Variants in HS6ST2 observed in about 807,000 individuals in gnomAD.
HS6ST2 encodes the protein heparan sulfate 6-O-sulfotransferase 2, also known as heparan-sulfate 6-O-sulfotransferase 2.
A neutral mutation model predicts 33.0 loss-of-function variants in HS6ST2; 17 were observed. That is an observed-to-expected ratio of 0.52 (90% CI 0.35 to 0.77). The LOEUF (loss-of-function observed/expected upper bound fraction) is 0.77, where lower values mean the gene tolerates loss of function less well. HS6ST2 is among the 30% of genes least tolerant of loss of function. The pLI is 0.01. For synonymous variants in HS6ST2, 248 were observed against 237.1 expected, an observed-to-expected ratio of 1.05 and a Z score of -0.42; for missense variants, 519 against 551.7, an observed-to-expected ratio of 0.94 and a Z score of 0.59.
chrX:132,787,167 G>GTA (rs751338482), intron 2 of HS6ST2, among the ~76,000 whole-genome samples: 544 of 51,332 alleles, frequency 0.011, 8 homozygotes, highest in African/African-American at 0.031. Context: ...ATATATATAT[G>GTA]TATATATATA....
chrX:132,932,142 C>T (rs1457390147), intron 2 of HS6ST2, among the ~76,000 whole-genome samples: 2 of 103,964 alleles, frequency 1.9e-5, no homozygotes, highest in African/African-American at 3.5e-5. Context: ...ACCGAGATTG[C>T]GCCACTGCAC....
chrX:132,877,341 T>C (rs1368910237), intron 2 of HS6ST2, among the ~76,000 whole-genome samples: 8 of 112,756 alleles, frequency 7.1e-5, no homozygotes, highest in African/African-American at 2.6e-4. Flanking sequence ...ATGTACTACG[T>C]GTGTTTGCAC....
chrX:132,768,454 T>C (rs1004237515), intron 2 of HS6ST2, among the ~76,000 whole-genome samples: 1 of 111,378 alleles, frequency 9.0e-6, no homozygotes, highest in African/African-American at 3.3e-5. Context: ...GAGAAATAAT[T>C]TTTTCAATGT....
At chrX:132,887,016 T>G (rs923310978) in intron 2 of HS6ST2, among the ~76,000 whole-genome samples, 1 of 110,359 alleles carries the variant, frequency 9.1e-6, no homozygotes, top group Non-Finnish European at 1.9e-5. Context: ...ACACCTGTAG[T>G]CCCAGCTACT....
chrX:132,710,856 T>C (rs1459882236), intron 2 of HS6ST2, among the ~76,000 whole-genome samples: 1 of 111,565 alleles, frequency 9.0e-6, no homozygotes. Flanking sequence ...TTCATAATAC[T>C]GTAGTCCCAC....
intron 2 of HS6ST2, among the ~76,000 whole-genome samples, chrX:132,816,954 A>G (rs763119578): frequency 1.1e-3 from 120 of 111,532 alleles, no homozygotes; most frequent in Non-Finnish European, 1.9e-3. Flanking sequence ...CGCAGCAGGT[A>G]AAATTAGGGA....
intron 2 of HS6ST2, among the ~76,000 whole-genome samples, chrX:132,867,929 T>C (rs2066008143): frequency 1.8e-5 from 2 of 111,526 alleles, no homozygotes; most frequent in Admixed American, 1.9e-4. Flanking sequence ...AATTCACACA[T>C]AACAATATTA....
chrX:132,661,317 CAA>C (rs1205477445), intron 4 of HS6ST2, among the ~76,000 whole-genome samples: 1 of 91,228 alleles, frequency 1.1e-5, no homozygotes, highest in Admixed American at 1.2e-4. Context: ...TGGAATCTAC[CAA>C]AAAAAAAAAA....
intron 4 of HS6ST2, among the ~76,000 whole-genome samples, chrX:132,663,990 A>G (rs1327690998): frequency 2.7e-5 from 3 of 112,320 alleles, no homozygotes; most frequent in Non-Finnish European, 3.8e-5. Flanking sequence ...AGCAAGCAAG[A>G]CTTCATTTTA....
At chrX:132,661,517 T>C (rs1284121352) in intron 4 of HS6ST2, among the ~76,000 whole-genome samples, 1 of 111,672 alleles carries the variant, frequency 9.0e-6, no homozygotes, top group East Asian at 2.8e-4. Context: ...TCCTGAAAAC[T>C]ATAAAACACT....
chrX:132,930,365 A>T (rs1226374247), intron 2 of HS6ST2, among the ~76,000 whole-genome samples: 2 of 110,559 alleles, frequency 1.8e-5, no homozygotes, highest in Non-Finnish European at 3.8e-5. Flanking sequence ...GGGTTTCGTC[A>T]TGCTGGCCAG....
intron 2 of HS6ST2, among the ~76,000 whole-genome samples, chrX:132,867,114 G>T (rs1017317476): frequency 2.0e-5 from 2 of 99,607 alleles, no homozygotes; most frequent in African/African-American, 7.7e-5. Flanking sequence ...TTGGCTGTGG[G>T]TTTGTCATAG....
chrX:132,882,563 A>T (rs1398849125), intron 2 of HS6ST2, among the ~76,000 whole-genome samples: 1 of 105,962 alleles, frequency 9.4e-6, no homozygotes, highest in Non-Finnish European at 1.9e-5. Context: ...CAATCATGTC[A>T]TCTGCAAACA....
At chrX:132,819,247 G>A (rs2065427816) in intron 2 of HS6ST2, among the ~76,000 whole-genome samples, 1 of 111,019 alleles carries the variant, frequency 9.0e-6, no homozygotes, top group Admixed American at 9.6e-5. Flanking sequence ...CTTTAAATCA[G>A]GAGTGGGGAA....
chrX:132,916,217 T>C (rs1414657386), intron 2 of HS6ST2, among the ~76,000 whole-genome samples: 2 of 111,536 alleles, frequency 1.8e-5, no homozygotes, highest in Non-Finnish European at 3.8e-5. Flanking sequence ...TAACTATCTG[T>C]ATGACCTTCT....
intron 4 of HS6ST2, chrX:132,668,423 C>T (rs952007175): frequency 2.7e-5 from 3 of 110,605 alleles, no homozygotes; most frequent in Admixed American, 9.7e-5. Flanking sequence ...ATGTCATCTG[C>T]GTGGGATCAC....
intron 2 of HS6ST2, among the ~76,000 whole-genome samples, chrX:132,895,011 T>A (rs1028940233): frequency 8.9e-6 from 1 of 112,610 alleles, no homozygotes; most frequent in Non-Finnish European, 1.9e-5. Context: ...TCACTTCAAG[T>A]GCCACCACCT....
chrX:132,753,153 T>C lies in HS6ST2; in HGVS notation c.948-44659A>G, dbSNP rs183435217. 4.3e-3 allele frequency among the ~76,000 whole-genome samples: 480 copies of C among 111,903 alleles called. 2 individuals are homozygous for C. Among genetic ancestry groups the C allele is most frequent in the African/African-American group, 0.015 (465 of 30,830 alleles). The stretch of plus-strand genomic sequence containing the variant: ...ATACTCTGTTTCTGTGGCTTAGGCT[T>C]CCAACCACTGCCTCTTCTCTTCACA... On this transcript the variant is annotated intron_variant, in intron 2 of 4. Transcript: ENST00000370833.
At chrX:132,761,122 G>C in intron 2 of HS6ST2, among the ~76,000 whole-genome samples, 1 of 111,757 alleles carries the variant, frequency 8.9e-6, no homozygotes, top group Non-Finnish European at 1.9e-5. Context: ...CTTTGGAGCT[G>C]AGAAGCCTGC....
Sources: allele counts gnomAD v4.1 joint callset (sites outside exome capture counted in the v4.1 genomes callset), GRCh38; gene constraint gnomAD v4.1.1; transcripts MANE v1.5; gene names NCBI Gene and HGNC (gene_info 2026-07-23, HGNC 2026-07-21).